Variants in SUPT3H observed in about 807,000 individuals in gnomAD.
SUPT3H encodes the protein SPT3 homolog, SAGA and STAGA complex component.
SUPT3H carries 44 observed loss-of-function variants against 44.3 expected under a neutral mutation model. The ratio of observed to expected loss-of-function variants is 0.99; its 90% CI spans 0.78 to 1.28. The LOEUF is 1.28. Among genes scored for constraint, SUPT3H ranks in the 50% most tolerant of loss-of-function variants. SUPT3H has a pLI of 0.00. For synonymous variants in SUPT3H, 124 were observed against 125.6 expected (o/e 0.99, Z 0.09); for missense variants, 380 against 387.1 (o/e 0.98, Z 0.15).
intron 10 of SUPT3H, among the ~76,000 whole-genome samples, chr6:44,852,222 A>C (rs1483125225): frequency 1.3e-5 from 2 of 152,182 alleles, no homozygotes; most frequent in Non-Finnish European, 2.9e-5. Context: ...AAAAGTAATT[A>C]TAGGTGGCAC....
At chr6:45,020,269 AG>A (rs1253557640) in intron 4 of SUPT3H, among the ~76,000 whole-genome samples, 2 of 151,952 alleles carry the variant, frequency 1.3e-5, no homozygotes, top group Non-Finnish European at 2.9e-5. Context: ...GTCAGTATTT[AG>A]TGAGTATCAT....
intron 3 of SUPT3H, among the ~76,000 whole-genome samples, chr6:45,040,614 T>G (rs1004372899): frequency 6.6e-6 from 1 of 152,184 alleles, no homozygotes; most frequent in Non-Finnish European, 1.5e-5. Flanking sequence ...AAAAAGCTTT[T>G]CAAAGAGAAA....
chr6:45,055,875 G>C (rs1373003686), intron 3 of SUPT3H, among the ~76,000 whole-genome samples: 1 of 152,088 alleles, frequency 6.6e-6, no homozygotes, highest in Admixed American at 6.6e-5. Flanking sequence ...ATAATCAGCA[G>C]AGTAAACAGA....
At chr6:45,244,595 T>C (rs1436515276) in intron 2 of SUPT3H, among the ~76,000 whole-genome samples, 1 of 152,186 alleles carries the variant, frequency 6.6e-6, no homozygotes, top group African/African-American at 2.4e-5. Flanking sequence ...TAATACCTTC[T>C]ACACTAATTT....
chr6:45,350,658 C>G (rs1433329688), intron 2 of SUPT3H, among the ~76,000 whole-genome samples: 1 of 152,068 alleles, frequency 6.6e-6, no homozygotes, highest in African/African-American at 2.4e-5. Context: ...TTTCTGGCTG[C>G]TAAGATGTGG....
At chr6:45,316,372 T>C (rs1784704452) in intron 2 of SUPT3H, among the ~76,000 whole-genome samples, 1 of 150,938 alleles carries the variant, frequency 6.6e-6, no homozygotes, top group Non-Finnish European at 1.5e-5. Flanking sequence ...CAGGGGGATG[T>C]CTATGTTGAA....
intron 2 of SUPT3H, among the ~76,000 whole-genome samples, chr6:45,162,690 A>G (rs1809211950): frequency 6.6e-6 from 1 of 152,194 alleles, no homozygotes; most frequent in Non-Finnish European, 1.5e-5. Flanking sequence ...TTCTCCAGGT[A>G]GTTCAAGGGA....
intron 2 of SUPT3H, among the ~76,000 whole-genome samples, chr6:45,340,339 C>T (rs531998860): frequency 6.6e-6 from 1 of 152,106 alleles, no homozygotes; most frequent in East Asian, 1.9e-4. Flanking sequence ...CCCCTTCCCC[C>T]TCAAGACAAG....
At chr6:44,899,759 T>G (rs1764675337) in intron 10 of SUPT3H, among the ~76,000 whole-genome samples, 1 of 152,130 alleles carries the variant, frequency 6.6e-6, no homozygotes, top group East Asian at 1.9e-4. Flanking sequence ...ATCTCAAAAG[T>G]TTAAATGAGA....
intron 10 of SUPT3H, among the ~76,000 whole-genome samples, chr6:44,900,630 T>C (rs1764845240): frequency 6.6e-6 from 1 of 152,186 alleles, no homozygotes; most frequent in African/African-American, 2.4e-5. Context: ...AGCAGAATCC[T>C]CTGCAGACTT....
intron 10 of SUPT3H, among the ~76,000 whole-genome samples, chr6:44,928,799 C>CGTGAACCTGGGAGGCGGAGCTTGCA (rs1248817978): frequency 1.4e-5 from 2 of 140,184 alleles, no homozygotes; most frequent in African/African-American, 5.2e-5. Context: ...AGGAGAATGG[C>CGTGAACCTGGGAGGCGGAGCTTGCA]GTGAACCTGG....
chr6:45,328,424 C>A, intron 2 of SUPT3H: 1 of 1,429,904 alleles, frequency 7.0e-7, no homozygotes, highest in East Asian at 3.6e-5. Context: ...GGTTAATCTC[C>A]GCAGGTCACT....
intron 6 of SUPT3H, among the ~76,000 whole-genome samples, chr6:44,997,017 C>A (rs2153502190): frequency 6.6e-6 from 1 of 151,814 alleles, no homozygotes; most frequent in South Asian, 2.1e-4. Flanking sequence ...TAGTACCACA[C>A]TATTTTGACT....
intron 3 of SUPT3H, among the ~76,000 whole-genome samples, chr6:45,049,429 T>C (rs1057349268): frequency 3.3e-5 from 5 of 152,228 alleles, no homozygotes; most frequent in East Asian, 1.9e-4. Context: ...TGTGACAGCA[T>C]GAGTCACTTC....
At chr6:44,993,859 C>T (rs79285404) in intron 6 of SUPT3H, among the ~76,000 whole-genome samples, 1,983 of 152,156 alleles carry the variant, frequency 0.013, 54 homozygotes, top group African/African-American at 0.045. Flanking sequence ...CTAACCTTGA[C>T]GTATTACATT....
intron 2 of SUPT3H, among the ~76,000 whole-genome samples, chr6:45,282,274 ACAAT>A (rs1441275994): frequency 5.3e-5 from 8 of 152,234 alleles, no homozygotes; most frequent in Non-Finnish European, 1.2e-4. Context: ...AAGGTTTCAG[ACAAT>A]CAAACTAATC....
At chr6:45,370,693 T>C (rs957283383) in intron 1 of SUPT3H, among the ~76,000 whole-genome samples, 4 of 152,106 alleles carry the variant, frequency 2.6e-5, no homozygotes, top group African/African-American at 9.7e-5. Context: ...AAACACCCTG[T>C]AAACATGAAA....
At position 45,331,139 on chromosome 6, in the gene SUPT3H, G is replaced by A. The variant is rs562980116; in HGVS notation, c.101+34062C>T. Among the ~76,000 whole-genome samples the A allele has an allele frequency of 1.7e-4, 25 of 151,064 alleles. No homozygotes were observed. The South Asian group carries it at 3.3e-3, about 20-fold the overall frequency. ...TGTGTGTGTGTGTGCGCGCGCGCGC[G>A]CACATGCTAGAGAAAGAGTATGTCT... On this transcript the variant is annotated intron_variant, in intron 2 of 10. Coordinates refer to ENST00000371459, the MANE Select transcript of SUPT3H (RefSeq NM_003599.4).
chr6:45,070,755 A>AAAG (rs1794254820), intron 3 of SUPT3H, among the ~76,000 whole-genome samples: 2 of 151,372 alleles, frequency 1.3e-5, no homozygotes, highest in Non-Finnish European at 2.9e-5. Flanking sequence ...AAAAAAAAAA[A>AAAG]AAAAGAAATG....
Sources: gnomAD v4.1 joint callset for allele counts (sites outside exome capture counted in the v4.1 genomes callset) on GRCh38, gnomAD v4.1.1 for gene constraint, MANE v1.5 for transcripts, NCBI Gene and HGNC (gene_info 2026-07-23, HGNC 2026-07-21) for gene names.